CDH13: variants seen among roughly 807,000 people sequenced by gnomAD.
The protein encoded by CDH13 is cadherin 13, also known as cadherin-13.
CDH13 carries 24 observed loss-of-function variants against 63.8 expected under a neutral mutation model. The ratio of observed to expected loss-of-function variants is 0.38; its 90% CI spans 0.27 to 0.53. CDH13 has a LOEUF of 0.53. Among genes scored for constraint, CDH13 ranks in the 20% least tolerant of loss-of-function variants. The pLI is 0.85. For synonymous variants in CDH13, 503 were observed against 355.3 expected, an observed-to-expected ratio of 1.42 and a Z score of -4.67; for missense variants, 1,049 against 903.1, an observed-to-expected ratio of 1.16 and a Z score of -2.07.
chr16:83,770,103 C>G (rs568442510), intron 11 of CDH13, among the ~76,000 whole-genome samples: 229 of 152,296 alleles, frequency 1.5e-3, no homozygotes, highest in African/African-American at 5.1e-3. Context: ...CATCCACACC[C>G]ACAGCGTCAA....
At chr16:82,725,709 G>A (rs1870843) in intron 1 of CDH13, among the ~76,000 whole-genome samples, 85,207 of 151,944 alleles carry the variant, frequency 0.56, 24,822 homozygotes, top group South Asian at 0.63. Context: ...GCAGTGCCCC[G>A]AATGCTGACT....
chr16:83,554,128 A>T (rs767945342), intron 7 of CDH13, among the ~76,000 whole-genome samples: 1 of 152,186 alleles, frequency 6.6e-6, no homozygotes, highest in Non-Finnish European at 1.5e-5. Context: ...CTGTCTGTGA[A>T]TCTTTCTTTC....
At chr16:82,967,827 G>C (rs1288621774) in intron 2 of CDH13, among the ~76,000 whole-genome samples, 2 of 152,202 alleles carry the variant, frequency 1.3e-5, no homozygotes, top group Non-Finnish European at 2.9e-5. Context: ...GGTGGTGTCT[G>C]CCAGGTTTCT....
At chr16:83,484,976 T>A (rs924195402) in intron 6 of CDH13, among the ~76,000 whole-genome samples, 1 of 152,210 alleles carries the variant, frequency 6.6e-6, no homozygotes, top group Non-Finnish European at 1.5e-5. Flanking sequence ...GCAAGGGGGC[T>A]GCATGGGCCA....
intron 3 of CDH13, among the ~76,000 whole-genome samples, chr16:83,105,092 T>C (rs1053586154): frequency 1.3e-5 from 2 of 152,184 alleles, no homozygotes; most frequent in Non-Finnish European, 2.9e-5. Context: ...GGCGGTTTGC[T>C]GCACCCGTCA....
At chr16:83,682,293 T>G (rs1290015143) in intron 10 of CDH13, among the ~76,000 whole-genome samples, 1 of 151,896 alleles carries the variant, frequency 6.6e-6, no homozygotes, top group Non-Finnish European at 1.5e-5. Context: ...CTTCCATGAT[T>G]ATTCATAAGG....
chr16:83,076,323 T>C (rs926784911), intron 3 of CDH13, among the ~76,000 whole-genome samples: 12 of 152,344 alleles, frequency 7.9e-5, no homozygotes, highest in African/African-American at 2.4e-4. Context: ...CTAAGTATTG[T>C]AAGTGTCTGG....
chr16:82,676,534 G>T (rs1032265898), intron 1 of CDH13, among the ~76,000 whole-genome samples: 1 of 126,632 alleles, frequency 7.9e-6, no homozygotes. Flanking sequence ...TGGCCCCCCA[G>T]ATGGTCATAC....
At chr16:82,643,936 GAC>G (rs1909744757) in intron 1 of CDH13, among the ~76,000 whole-genome samples, 1 of 141,164 alleles carries the variant, frequency 7.1e-6, no homozygotes, top group South Asian at 2.4e-4. Context: ...AAAACTTTAA[GAC>G]AAGGTCTTGT....
chr16:83,419,650 CT>C (rs2071656344), intron 6 of CDH13, among the ~76,000 whole-genome samples: 1 of 152,218 alleles, frequency 6.6e-6, no homozygotes, highest in Non-Finnish European at 1.5e-5. Context: ...CAACACCATT[CT>C]TGATCAGCTG....
At chr16:83,700,601 C>A (rs978480360) in intron 10 of CDH13, among the ~76,000 whole-genome samples, 2 of 152,140 alleles carry the variant, frequency 1.3e-5, no homozygotes, top group African/African-American at 4.8e-5. Context: ...ACATATATTT[C>A]TTTTGTTTAC....
chr16:83,594,085 G>T (rs930034762), intron 7 of CDH13, among the ~76,000 whole-genome samples: 1 of 152,186 alleles, frequency 6.6e-6, no homozygotes, highest in Non-Finnish European at 1.5e-5. Context: ...CTTGCTGGAA[G>T]ATTTGTCTAA....
rs527331788 is a variant in CDH13 at position 83,613,299 on chromosome 16, C to G, written c.1101+10705C>G. ...TTAATTCGTATTAATTATACTTGTT[C>G]CTTAAATATCTCAATTCATAAACCC... is the stretch of plus-strand genomic sequence containing the variant. On this transcript the variant is annotated intron_variant, in intron 8 of 13. Transcript: ENST00000567109. 3.3e-5 allele frequency among the ~76,000 whole-genome samples: 5 copies of G among 152,260 alleles called. No individual in the cohort carries two copies. The South Asian group carries it at 8.3e-4, about 25-fold the overall frequency.
chr16:83,633,186 G>A (rs1447826569), intron 8 of CDH13, among the ~76,000 whole-genome samples: 1 of 151,768 alleles, frequency 6.6e-6, no homozygotes, highest in Non-Finnish European at 1.5e-5. Context: ...GATTAAGAAT[G>A]CCTCAACCTC....
intron 4 of CDH13, among the ~76,000 whole-genome samples, chr16:83,147,371 G>A (rs1567876503): frequency 6.6e-6 from 1 of 152,086 alleles, no homozygotes; most frequent in African/African-American, 2.4e-5. Context: ...CTTCCTGCCT[G>A]CACCCTTGCA....
intron 1 of CDH13, among the ~76,000 whole-genome samples, chr16:82,734,642 G>C (rs1384477785): frequency 1.3e-5 from 2 of 152,230 alleles, no homozygotes; most frequent in African/African-American, 4.8e-5. Flanking sequence ...GAAAGCAGGG[G>C]CAGGAAGCAG....
At chr16:83,202,675 C>T (rs1399779973) in intron 4 of CDH13, among the ~76,000 whole-genome samples, 2 of 152,164 alleles carry the variant, frequency 1.3e-5, no homozygotes, top group African/African-American at 4.8e-5. Flanking sequence ...TTAAAACTCT[C>T]AGGGAAAGGG....
chr16:82,990,563 T>A (rs1013417866), intron 2 of CDH13, among the ~76,000 whole-genome samples: 4 of 151,204 alleles, frequency 2.6e-5, no homozygotes, highest in African/African-American at 7.3e-5. Flanking sequence ...TTTTTTTTTT[T>A]AGAGACAGAG....
rs557872011 is a variant in CDH13, at chr16:83,022,544, C to T, written c.158-9466C>T. 7.2e-5 allele frequency among the ~76,000 whole-genome samples: 11 copies of T among 152,306 alleles called. No individual in the cohort carries two copies. In the South Asian group the frequency reaches 1.7e-3, roughly 23 times the overall value. ...ACAGAAATCGGCAGATGCTACAACT[C>T]GAGACTTTTTCCAAGACTAGCACAT... On this transcript the variant is annotated intron_variant, in intron 2 of 13. Coordinates refer to ENST00000567109, the MANE Select transcript of CDH13 (RefSeq NM_001257.5).
Sources: allele counts gnomAD v4.1 joint callset (sites outside exome capture counted in the v4.1 genomes callset), GRCh38; gene constraint gnomAD v4.1.1; transcripts MANE v1.5; gene names NCBI Gene and HGNC (gene_info 2026-07-23, HGNC 2026-07-21).